CACNA2D1: variants seen among roughly 807,000 people sequenced by gnomAD.
CACNA2D1 encodes the protein voltage-dependent calcium channel subunit alpha-2/delta-1.
CACNA2D1 carries 53 observed loss-of-function variants against 171.5 expected under a neutral mutation model. The ratio of observed to expected loss-of-function variants is 0.31; its 90% CI spans 0.25 to 0.39. The LOEUF (loss-of-function observed/expected upper bound fraction) is 0.39. CACNA2D1 is among the 10% of genes least tolerant of loss of function. The probability of loss-of-function intolerance (pLI) is 1.00; values close to 1 mark genes in which losing one functional copy is unlikely to be tolerated. For synonymous variants in CACNA2D1, 442 were observed against 443.1 expected, an observed-to-expected ratio of 1.00 and a Z score of 0.03; for missense variants, 903 against 1,299.8, an observed-to-expected ratio of 0.69 and a Z score of 4.69.
At chr7:82,011,844 T>C (rs1053353762) in intron 15 of CACNA2D1, among the ~76,000 whole-genome samples, 1 of 152,200 alleles carries the variant, frequency 6.6e-6, no homozygotes, top group Non-Finnish European at 1.5e-5. Flanking sequence ...TTTCATCTTT[T>C]TTTTTACATT....
At chr7:82,049,784 T>A (rs1804986489) in intron 10 of CACNA2D1, among the ~76,000 whole-genome samples, 1 of 152,204 alleles carries the variant, frequency 6.6e-6, no homozygotes, top group African/African-American at 2.4e-5. Context: ...GCAGTCTTCT[T>A]GTTGACATAA....
At chr7:82,235,310 G>C (rs1241871532) in intron 3 of CACNA2D1, among the ~76,000 whole-genome samples, 1 of 152,076 alleles carries the variant, frequency 6.6e-6, no homozygotes, top group African/African-American at 2.4e-5. Flanking sequence ...ACAAGTGCTA[G>C]TATAAAGTAG....
chr7:82,217,394 C>CATATAT lies in CACNA2D1; in HGVS notation c.295-46791_295-46786dup, dbSNP rs6150191. Among the ~76,000 whole-genome samples, 461 of 102,478 alleles carry CATATAT rather than the reference C, an allele frequency of 4.5e-3. 25 individuals are homozygous for CATATAT. The highest frequency in any genetic ancestry group is 0.018 in the East Asian group (79 of 4,306). The allele number at this position is 102,478 out of a possible 152,430, so 67.2% of individuals were successfully genotyped here. A position where few individuals can be genotyped will look rare whatever the true frequency, so the allele number is the denominator to read the frequency against. On this transcript the variant is annotated intron_variant, in intron 3 of 38. Coordinates refer to ENST00000356860, the MANE Select transcript of CACNA2D1 (RefSeq NM_000722.4). ...ACACACATATACACACACACACATA[C>CATATAT]ATATATATATATATATATATATATA...
intron 1 of CACNA2D1, among the ~76,000 whole-genome samples, chr7:82,367,747 G>C (rs147920304): frequency 6.6e-6 from 1 of 152,108 alleles, no homozygotes; most frequent in Non-Finnish European, 1.5e-5. Flanking sequence ...TATTAGCAAG[G>C]CGTGATGAAC....
In CACNA2D1 at chr7:82,440,177, C is replaced by T. The variant is rs142280550; in HGVS notation, c.95+3188G>A. On this transcript the variant is annotated intron_variant, in intron 1 of 38. Transcript: ENST00000356860. ...CATTGTACACTTTATATTAAAATCC[C>T]TGTATACCAATAGGCTCTCAGCCAA... 3.8e-3 allele frequency among the ~76,000 whole-genome samples: 576 copies of T among 151,996 alleles called. 2 individuals carry two copies. Among genetic ancestry groups the T allele is most frequent in the Non-Finnish European group, 5.7e-3 (389 of 67,782 alleles).
intron 4 of CACNA2D1, among the ~76,000 whole-genome samples, chr7:82,143,411 T>G (rs917521053): frequency 6.6e-5 from 10 of 152,164 alleles, no homozygotes; most frequent in African/African-American, 2.4e-4. Context: ...TCCATAGAAT[T>G]TATCAATTAA....
chr7:82,378,226 G>C (rs1270913623), intron 1 of CACNA2D1, among the ~76,000 whole-genome samples: 1 of 152,022 alleles, frequency 6.6e-6, no homozygotes, highest in Admixed American at 6.6e-5. Context: ...TGTGAGACCT[G>C]TCTCTACAAA....
chr7:82,227,816 A>G (rs952540043), intron 3 of CACNA2D1, among the ~76,000 whole-genome samples: 2 of 152,190 alleles, frequency 1.3e-5, no homozygotes, highest in Non-Finnish European at 2.9e-5. Context: ...ACTCAAACAC[A>G]TTATTTCTAC....
chr7:82,263,856 A>T (rs1346383798), intron 3 of CACNA2D1, among the ~76,000 whole-genome samples: 1 of 152,172 alleles, frequency 6.6e-6, no homozygotes, highest in Non-Finnish European at 1.5e-5. Context: ...AGATTACCCC[A>T]ATCTCTGCAA....
intron 3 of CACNA2D1, among the ~76,000 whole-genome samples, chr7:82,224,279 A>G (rs556596271): frequency 1.3e-5 from 2 of 152,294 alleles, no homozygotes; most frequent in East Asian, 3.9e-4. Flanking sequence ...TTTATCAGAA[A>G]CTTAAAAATA....
intron 3 of CACNA2D1, among the ~76,000 whole-genome samples, chr7:82,190,336 A>C (rs2129184314): frequency 6.6e-6 from 1 of 151,964 alleles, no homozygotes; most frequent in East Asian, 1.9e-4. Context: ...TAATTGTATT[A>C]ACTATGAATA....
At chr7:82,264,619 C>T (rs1807575461) in intron 3 of CACNA2D1, among the ~76,000 whole-genome samples, 1 of 152,056 alleles carries the variant, frequency 6.6e-6, no homozygotes. Flanking sequence ...CAGCCTCTGA[C>T]CTGAAGAGAA....
chr7:81,997,301 C>T, intron 18 of CACNA2D1, 51 bp from the exon 19 acceptor site: 1 of 1,163,000 alleles, frequency 8.6e-7, no homozygotes, highest in Non-Finnish European at 1.3e-6. Context: ...TACAATGATG[C>T]TGTGTATAAA....
chr7:82,164,860 T>C (rs1014026537), intron 4 of CACNA2D1, among the ~76,000 whole-genome samples: 1 of 151,978 alleles, frequency 6.6e-6, no homozygotes, highest in African/African-American at 2.4e-5. Context: ...TACAGTACAC[T>C]CCCATTTTAA....
intron 18 of CACNA2D1, 76 bp from the exon 19 acceptor site, chr7:81,997,326 A>G: frequency 2.1e-6 from 2 of 975,192 alleles, no homozygotes; most frequent in Non-Finnish European, 3.3e-6. Flanking sequence ...TTTAACGGGT[A>G]TTTATGAAAT....
chr7:82,097,267 TA>T (rs1812004176), intron 6 of CACNA2D1, among the ~76,000 whole-genome samples: 1 of 152,092 alleles, frequency 6.6e-6, no homozygotes, highest in Non-Finnish European at 1.5e-5. Flanking sequence ...CTAGGAATAC[TA>T]AAGTTAAAAT....
rs143182000 is a variant in CACNA2D1 at position 82,108,807 on chromosome 7, A to C, written c.526+8237T>G. The stretch of plus-strand genomic sequence containing the variant: ...AGTAGAATTGTTTCTCTTTGTGCCA[A>C]ACTTATTAATTATGGTCAAATTAGC... On this transcript the variant is annotated intron_variant, in intron 6 of 38. Transcript: ENST00000356860. Among the ~76,000 whole-genome samples the C allele has an allele frequency of 8.5e-5, 13 of 152,284 alleles. No homozygotes were observed. In the East Asian group the frequency reaches 2.5e-3, roughly 29 times the overall value.
chr7:82,403,392 G>A (rs1285429279), intron 1 of CACNA2D1, among the ~76,000 whole-genome samples: 1 of 152,058 alleles, frequency 6.6e-6, no homozygotes, highest in Non-Finnish European at 1.5e-5. Flanking sequence ...ACTCTTTTTG[G>A]TCGGTTGTAA....
At chr7:82,251,818 G>C (rs554694721) in intron 3 of CACNA2D1, among the ~76,000 whole-genome samples, 1 of 152,292 alleles carries the variant, frequency 6.6e-6, no homozygotes, top group African/African-American at 2.4e-5. Flanking sequence ...AGGAGCAGGA[G>C]ATAGGATGCA....
Sources: gnomAD v4.1 joint callset for allele counts (sites outside exome capture counted in the v4.1 genomes callset) on GRCh38, gnomAD v4.1.1 for gene constraint, MANE v1.5 for transcripts, NCBI Gene and HGNC (gene_info 2026-07-23, HGNC 2026-07-21) for gene names.